Variants in TRIM16 observed in about 807,000 individuals in gnomAD.
TRIM16 encodes tripartite motif containing 16, also known as tripartite motif-containing protein 16.
A neutral mutation model predicts 50.4 loss-of-function variants in TRIM16; 33 were observed. The observed-to-expected ratio is 0.65, with a 90% CI of 0.50 to 0.88. The LOEUF (loss-of-function observed/expected upper bound fraction) is 0.88. Among genes scored for constraint, TRIM16 ranks in the 40% least tolerant of loss-of-function variants. TRIM16 has a pLI of 0.00. For missense variants in TRIM16, 581 were observed against 686.8 expected, an observed-to-expected ratio of 0.85 and a Z score of 1.72; for synonymous variants, 229 against 270.7, an observed-to-expected ratio of 0.85 and a Z score of 1.51.
intron 5 of TRIM16, 117 bp downstream of exon 5, chr17:15,677,458 T>C (rs534239862): frequency 6.3e-5 from 60 of 955,868 alleles, no homozygotes; most frequent in Middle Eastern, 5.0e-4. Context: ...ATCTGGATTC[T>C]GTGGGGGAAA....
rs764314862 is a variant in TRIM16 at position 15,644,863 on chromosome 17, T to C, written c.520-2047A>G. 9.6e-4 allele frequency among the ~76,000 whole-genome samples: 146 copies of C among 151,916 alleles called. 2 individuals are homozygous for C. The highest frequency in any genetic ancestry group is 1.6e-4 in the Non-Finnish European group (11 of 68,028). On this transcript the variant is annotated intron_variant, in intron 7 of 11. Transcript: ENST00000649191. ...TGGAGTCTCACACTGTCGTCCAGGC[T>C]GGAGTGCAATGGTGCAATCTTGGCT...
chr17:15,634,204 C>A (rs542692744), intron 9 of TRIM16, among the ~76,000 whole-genome samples: 2 of 148,404 alleles, frequency 1.3e-5, no homozygotes, highest in Non-Finnish European at 3.0e-5. Flanking sequence ...TGGCGGGCGC[C>A]TGTAGTCCCA....
At chr17:15,630,089 C>T (rs889932558) in intron 11 of TRIM16, among the ~76,000 whole-genome samples, 1 of 152,164 alleles carries the variant, frequency 6.6e-6, no homozygotes, top group Non-Finnish European at 1.5e-5. Flanking sequence ...GCCCCACGTC[C>T]CTGGTCCTTT....
chr17:15,646,677 TAGAA>T (rs1227199300), intron 7 of TRIM16, among the ~76,000 whole-genome samples: 3 of 146,484 alleles, frequency 2.0e-5, no homozygotes, highest in Admixed American at 2.0e-4. Flanking sequence ...AGATGAAAAA[TAGAA>T]AGAACAGGGA....
At chr17:15,659,157 C>A (rs1039012482) in intron 6 of TRIM16, among the ~76,000 whole-genome samples, 3 of 152,244 alleles carry the variant, frequency 2.0e-5, no homozygotes, top group African/African-American at 7.2e-5. Flanking sequence ...GACCCCACTA[C>A]TGGATGAAGA....
chr17:15,670,750 G>A (rs2151420189), intron 6 of TRIM16, among the ~76,000 whole-genome samples: 1 of 152,320 alleles, frequency 6.6e-6, no homozygotes, highest in South Asian at 2.1e-4. Context: ...TGGTGTTACT[G>A]GAATCTTTTT....
chr17:15,652,764 A>G (rs1201528763), intron 6 of TRIM16, among the ~76,000 whole-genome samples: 1 of 151,948 alleles, frequency 6.6e-6, no homozygotes, highest in African/African-American at 2.4e-5. Context: ...CCCAGCCAGG[A>G]TGCATACTTC....
intron 6 of TRIM16, among the ~76,000 whole-genome samples, chr17:15,657,132 G>T (rs1032519629): frequency 2.6e-5 from 4 of 152,012 alleles, no homozygotes; most frequent in Non-Finnish European, 5.9e-5. Context: ...TTTTAATTGT[G>T]ATAAAATACA....
In TRIM16 at chr17:15,683,258, C is replaced by G. The variant is rs574048649; in HGVS notation, c.-898-101G>C. The G allele has an allele frequency of 1.1e-5, 10 of 931,936 alleles. No individual in the cohort carries two copies. In the Admixed American group the frequency reaches 2.9e-4, roughly 27 times the overall value. 57.7% of individuals were successfully genotyped at this position (931,936 alleles called of 1,614,324 possible). A position where few individuals can be genotyped will look rare whatever the true frequency, so the allele number is the denominator to read the frequency against. Reference sequence around the variant, plus strand: ...CAGAACGCAGAGTCTGACGCAGTATCTTTTGAGCTAAAGCTAAACTCAAGA... The same window carrying G: ...CAGAACGCAGAGTCTGACGCAGTATGTTTTGAGCTAAAGCTAAACTCAAGA... On this transcript the variant is annotated intron_variant, in intron 1 of 11. Coordinates refer to ENST00000649191, the MANE Select transcript of TRIM16 (RefSeq NM_001348119.1).
chr17:15,635,284 C>G (rs1215067017), intron 9 of TRIM16, among the ~76,000 whole-genome samples: 2 of 148,194 alleles, frequency 1.3e-5, no homozygotes, highest in African/African-American at 5.0e-5. Flanking sequence ...GTTAACAGAG[C>G]TGTTTTCTGA....
chr17:15,658,929 C>G lies in TRIM16; in HGVS notation c.-337-6983G>C, dbSNP rs1047176223. On this transcript the variant is annotated intron_variant, in intron 6 of 11. Transcript: ENST00000649191. ...CACTTTGGTAATTAATTACCACTAA[C>G]AAAGGAACGAAATAAAGGTGAGACA... is the stretch of plus-strand genomic sequence containing the variant. 5 of 942,410 alleles carry G rather than the reference C, an allele frequency of 5.3e-6. No homozygotes were observed. In the African/African-American group the frequency reaches 8.9e-5, roughly 17 times the overall value. 58.4% of individuals were successfully genotyped at this position (942,410 alleles called of 1,614,324 possible).
At chr17:15,648,225 C>CAAAAAAAAAAAAAAAAAAAAAAAAA (rs542434481) in intron 7 of TRIM16, among the ~76,000 whole-genome samples, 1 of 75,544 alleles carries the variant, frequency 1.3e-5, no homozygotes, top group Admixed American at 1.6e-4. Flanking sequence ...GACTCCGTCT[C>CAAAAAAAAAAAAAAAAAAAAAAAAA]AAAAAAAAAA....
chr17:15,636,282 G>A lies in TRIM16; in HGVS notation c.616-13C>T, dbSNP rs756255713. 3 of 1,607,500 alleles carry A rather than the reference G, an allele frequency of 1.9e-6. No homozygotes were observed. Among genetic ancestry groups the A allele is most frequent in the Admixed American group, 1.7e-5 (1 of 59,870 alleles). On this transcript the variant is annotated splice_polypyrimidine_tract_variant and intron_variant, in intron 8 of 11. Transcript: ENST00000649191. ...CTGACACCGACACCTGGCAGGGGGTGGGGGTGGAAGGCAGCCAAACATTTC... is the reference window on the plus strand; with the variant it reads ...CTGACACCGACACCTGGCAGGGGGTAGGGGTGGAAGGCAGCCAAACATTTC...
intron 7 of TRIM16, chr17:15,643,071 TG>T: frequency 1.0e-6 from 1 of 993,074 alleles, no homozygotes; most frequent in Non-Finnish European, 1.2e-6. Flanking sequence ...AAGCATTTTG[TG>T]GATTACCCCA....
intron 6 of TRIM16, chr17:15,675,784 C>CATGTGTATATACACATAT (rs1988909741): frequency 1.3e-5 from 2 of 152,350 alleles, no homozygotes; most frequent in African/African-American, 4.9e-5. Flanking sequence ...TATACACATA[C>CATGTGTATATACACATAT]GTATATATAC....
chr17:15,679,936 CAA>C (rs56845789), intron 4 of TRIM16, among the ~76,000 whole-genome samples: 29 of 128,630 alleles, frequency 2.3e-4, no homozygotes, highest in African/African-American at 3.2e-4. Flanking sequence ...GACTATGTCT[CAA>C]AAAAAAAAAA....
intron 3 of TRIM16, 35 bp from the exon 4 acceptor site, chr17:15,680,988 T>C (rs1214246433): frequency 1.4e-6 from 2 of 1,385,236 alleles, no homozygotes; most frequent in Admixed American, 2.8e-5. Context: ...ACCTGGTTTA[T>C]CTTTATGTAT....
At position 15,628,314 on chromosome 17, in the gene TRIM16, CAGG is replaced by C. The variant is rs1307286270; in HGVS notation, c.*298_*300del. On this transcript the variant is annotated 3_prime_UTR_variant, in exon 12 of 12. Coordinates refer to ENST00000649191, the MANE Select transcript of TRIM16 (RefSeq NM_001348119.1). ...ATCCCAGCTACTCGGGAGGCTGAGG[CAGG>C]AGAATTGCTTGAACTCGGGAGGCGG... The C allele has an allele frequency of 3.9e-6, 1 of 255,068 alleles. No individual in the cohort carries two copies. Among genetic ancestry groups the C allele is most frequent in the Non-Finnish European group, 7.4e-6 (1 of 134,792 alleles). The allele number at this position is 255,068 out of a possible 1,614,324, so 15.8% of individuals were successfully genotyped here.
At chr17:15,665,371 T>C (rs981726278) in intron 6 of TRIM16, among the ~76,000 whole-genome samples, 6 of 152,050 alleles carry the variant, frequency 3.9e-5, no homozygotes, top group Non-Finnish European at 7.4e-5. Context: ...TAGCCGGGCA[T>C]GGTGGTGGGT....
Sources: allele counts gnomAD v4.1 joint callset (sites outside exome capture counted in the v4.1 genomes callset), GRCh38; gene constraint gnomAD v4.1.1; transcripts MANE v1.5; gene names NCBI Gene and HGNC (gene_info 2026-07-23, HGNC 2026-07-21).